TTC7A: variants seen among roughly 807,000 people sequenced by gnomAD.
TTC7A encodes the protein tetratricopeptide repeat protein 7A.
In TTC7A, 110 loss-of-function variants were observed where a neutral mutation model predicts 103.7. The observed-to-expected ratio is 1.06, with a 90% CI of 0.91 to 1.24. The LOEUF (loss-of-function observed/expected upper bound fraction) is 1.24. TTC7A is among the 50% of genes most tolerant of loss of function. The pLI is 0.00. For missense variants in TTC7A, 1,340 were observed against 1,116.3 expected (o/e 1.20, Z -2.86); for synonymous variants, 521 against 467.9 (o/e 1.11, Z -1.47).
chr2:46,957,322 G>A (rs371673053), intron 3 of TTC7A, among the ~76,000 whole-genome samples: 68 of 152,346 alleles, frequency 4.5e-4, no homozygotes, highest in African/African-American at 1.4e-3. Context: ...TGTAATACCT[G>A]ACCTCCCAGG....
At chr2:46,984,846 A>G (rs1181508787) in intron 5 of TTC7A, among the ~76,000 whole-genome samples, 1 of 152,058 alleles carries the variant, frequency 6.6e-6, no homozygotes, top group Admixed American at 6.5e-5. Flanking sequence ...AACTCATGCC[A>G]TTTCCAAATT....
rs532468193 is a variant in TTC7A at position 47,071,487 on chromosome 2, G to A, written c.2356-2215G>A. On this transcript the variant is annotated intron_variant, in intron 19 of 19. Transcript: ENST00000319190. Reference sequence around the variant, plus strand: ...GCGCTGCTGTTTGCTGTCTGCCCCCGCGGTGATTTTTCAAGTTGATCATTG... The same window carrying A: ...GCGCTGCTGTTTGCTGTCTGCCCCCACGGTGATTTTTCAAGTTGATCATTG... Among the ~76,000 whole-genome samples, 103 of 152,312 alleles carry A rather than the reference G, an allele frequency of 6.8e-4. 1 individual carries two copies. Among genetic ancestry groups the A allele is most frequent in the Admixed American group, 4.3e-3 (65 of 15,294 alleles).
At chr2:46,937,786 TG>T (rs1670054827), upstream of TTC7A, among the ~76,000 whole-genome samples, 1 of 152,210 alleles carries the variant, frequency 6.6e-6, no homozygotes, top group African/African-American at 2.4e-5. The surrounding 1 kb of genome is among the most constrained non-coding windows in gnomAD (Gnocchi z 4.0). Context: ...TGAAGGGGTT[TG>T]GGGAAGCTGT....
Position 46,941,831 on chromosome 2 carries a change from AG to A in TTC7A, c.184+107del. ...CCTCGGCCGACAGCGGGCGCCTGCCAGCCCACCGTGCTAGTCTTAAGAGCAG... is the reference window on the plus strand; with the variant it reads ...CCTCGGCCGACAGCGGGCGCCTGCCACCCACCGTGCTAGTCTTAAGAGCAG... On this transcript the variant is annotated intron_variant, in intron 1 of 19. Coordinates refer to ENST00000319190, the MANE Select transcript of TTC7A (RefSeq NM_020458.4). The surrounding 1 kb of genome is among the most constrained non-coding windows in gnomAD (Gnocchi z 4.2). 5 of 1,422,660 alleles carry A rather than the reference AG, an allele frequency of 3.5e-6. No individual in the cohort carries two copies. In the East Asian group the frequency reaches 7.5e-5, roughly 21 times the overall value. The allele number at this position is 1,422,660 out of a possible 1,614,324, so 88.1% of individuals were successfully genotyped here.
At position 46,978,850 on chromosome 2, in the gene TTC7A, T is replaced by A; in HGVS notation, c.707T>A (p.Leu236His). The A allele has an allele frequency of 6.2e-7, 1 of 1,614,020 alleles. No individual in the cohort carries two copies. Among genetic ancestry groups the A allele is most frequent in the Non-Finnish European group, 8.5e-7 (1 of 1,179,978 alleles). ...LKGCHPLDYE[L>H]TYFLEAALQS... is the part of the protein sequence containing the mutation. ...GGCTGTCACCCGCTTGACTATGAGC[T>A]CACCTACTTCCTGGAAGCTGCCCTC... is the stretch of plus-strand genomic sequence containing the variant. The change falls in exon 5 of 20, where the codon CTC becomes CAC. Residue 236 changes from leucine (L) to histidine (H), a missense_variant. By Grantham distance (99) the Leu-to-His change is moderately conservative. Transcript: ENST00000319190.
upstream of TTC7A, among the ~76,000 whole-genome samples, chr2:46,938,306 A>T (rs948175320): frequency 1.5e-4 from 23 of 152,204 alleles, no homozygotes; most frequent in Non-Finnish European, 2.1e-4. Flanking sequence ...TAGGAACAAA[A>T]TATCAATCTT....
At chr2:46,926,907 G>C (rs1246495640) in intron 2 of TTC7A, among the ~76,000 whole-genome samples, 1 of 152,146 alleles carries the variant, frequency 6.6e-6, no homozygotes. Context: ...GGAGCTAAAA[G>C]CTACAAAAAG....
intron 19 of TTC7A, among the ~76,000 whole-genome samples, chr2:47,067,468 G>A (rs1367808863): frequency 1.3e-5 from 2 of 152,238 alleles, no homozygotes; most frequent in African/African-American, 4.8e-5. Flanking sequence ...TGCCAGCAGG[G>A]TGCTGAGAAG....
intron 15 of TTC7A, chr2:47,035,622 TTGTC>T (rs1194499263): frequency 1.3e-5 from 2 of 152,264 alleles, no homozygotes; most frequent in African/African-American, 2.4e-5. Context: ...GTTGTTTTGT[TTGTC>T]TGGGGAAGAG....
chr2:46,925,959 G>C (rs142328125), intron 2 of TTC7A, among the ~76,000 whole-genome samples: 1 of 152,288 alleles, frequency 6.6e-6, no homozygotes, highest in Non-Finnish European at 1.5e-5. Flanking sequence ...ATTTTTTGGA[G>C]GTCTGGGTAT....
chr2:46,929,833 G>A (rs1669598889), intron 2 of TTC7A, among the ~76,000 whole-genome samples: 2 of 152,198 alleles, frequency 1.3e-5, no homozygotes, highest in African/African-American at 2.4e-5. Context: ...AGTGGAATAT[G>A]TACAGAAGTG....
Position 47,073,941 on chromosome 2 carries a change from GGAGGGAGGGGCTGGCCA to G in TTC7A, c.*26_*42del. ...AGCTCTGACGACGCTGCAGCCGCAG[GGAGGGAGGGGCTGGCCA>G]GAGGGAGAGGCAGCAGGGAACGTGG... On this transcript the variant is annotated 3_prime_UTR_variant, in exon 20 of 20. Transcript: ENST00000319190. The G allele has an allele frequency of 2.5e-6, 4 of 1,598,652 alleles. No homozygotes were observed. Among genetic ancestry groups the G allele is most frequent in the Non-Finnish European group, 3.4e-6 (4 of 1,171,260 alleles).
intron 1 of TTC7A, among the ~76,000 whole-genome samples, chr2:46,947,889 A>G (rs1215149636): frequency 6.6e-6 from 1 of 152,170 alleles, no homozygotes; most frequent in Non-Finnish European, 1.5e-5. Context: ...AAGTTTCTGC[A>G]CTCATCTCCT....
chr2:47,025,740 C>T (rs1017249766), intron 14 of TTC7A, among the ~76,000 whole-genome samples: 3 of 152,168 alleles, frequency 2.0e-5, no homozygotes, highest in Non-Finnish European at 2.9e-5. Context: ...GCTTCGCTCC[C>T]TTCCTCTTGC....
chr2:47,074,178 G>A lies in TTC7A; in HGVS notation c.*255G>A. 3.8e-6 allele frequency: 2 copies of A among 532,014 alleles called. No individual in the cohort carries two copies. Among genetic ancestry groups the A allele is most frequent in the Non-Finnish European group, 6.8e-6 (2 of 295,806 alleles). The allele number at this position is 532,014 out of a possible 1,614,324, so 33.0% of individuals were successfully genotyped here. ...GGAGAGTTTTGTGGTGACCAGACTTGCTCCCCAAGAGCTGGGCAGCGGGGA... is the reference window on the plus strand; with the variant it reads ...GGAGAGTTTTGTGGTGACCAGACTTACTCCCCAAGAGCTGGGCAGCGGGGA... On this transcript the variant is annotated 3_prime_UTR_variant, in exon 20 of 20. Transcript: ENST00000319190.
chr2:46,930,168 AAATT>A (rs1287932641), intron 2 of TTC7A, among the ~76,000 whole-genome samples: 2 of 152,206 alleles, frequency 1.3e-5, no homozygotes, highest in African/African-American at 4.8e-5. Context: ...AAAGATAACA[AAATT>A]AATGCAGTGG....
At position 46,950,422 on chromosome 2, in the gene TTC7A, C is replaced by G. The variant is rs1375682850; in HGVS notation, c.244C>G (p.His82Asp). 1.2e-6 allele frequency: 2 copies of G among 1,614,012 alleles called. No homozygotes were observed. The highest frequency in any genetic ancestry group is 1.7e-6 in the Non-Finnish European group (2 of 1,180,032). The change falls in exon 2 of 20, where the codon CAT (histidine) becomes GAT (aspartate). Residue 82 changes from histidine (H) to aspartate (D), a missense_variant. By Grantham distance (81) the His-to-Asp change is moderately conservative. Coordinates refer to ENST00000319190, the MANE Select transcript of TTC7A (RefSeq NM_020458.4). ...CCTGGAGCAGTGTTTGAAGGAGAAC[C>G]ATGCCAAAATAAAAGACTCCATGCC... ...ALLEQCLKEN[H>D]AKIKDSMPLL...
intron 3 of TTC7A, among the ~76,000 whole-genome samples, chr2:46,967,735 C>A (rs901669396): frequency 2.6e-5 from 4 of 152,024 alleles, no homozygotes; most frequent in Admixed American, 2.6e-4. Context: ...TGTACTAATA[C>A]CTCTTTGAGA....
chr2:47,017,375 A>G (rs1269030973), intron 11 of TTC7A, among the ~76,000 whole-genome samples: 3 of 151,870 alleles, frequency 2.0e-5, no homozygotes, highest in Admixed American at 1.3e-4. Context: ...AATAAAAATA[A>G]AAAGGTAAAA....
Sources: allele counts gnomAD v4.1 joint callset (sites outside exome capture counted in the v4.1 genomes callset), GRCh38; gene constraint gnomAD v4.1.1; non-coding constraint Gnocchi (gnomAD v3.1); transcripts MANE v1.5; gene names NCBI Gene and HGNC (gene_info 2026-07-23, HGNC 2026-07-21).